The following RNF130 variants were observed in gnomAD, a reference collection of about 807,000 sequenced individuals.
RNF130 encodes ring finger protein 130.
A neutral mutation model predicts 44.6 loss-of-function variants in RNF130; 21 were observed. The ratio of observed to expected loss-of-function variants is 0.47; its 90% CI spans 0.33 to 0.68. RNF130 has a LOEUF of 0.68. Ranked by LOEUF, RNF130 falls within the 30% of genes least tolerant of loss-of-function variation. The pLI is 0.02. For synonymous variants in RNF130, 214 were observed against 210.4 expected (o/e 1.02, Z -0.15); for missense variants, 479 against 560.6 (o/e 0.85, Z 1.47).
At chr5:179,939,635 G>A (rs112960734) in intron 7 of RNF130, 3 of 460,896 alleles carry the variant, frequency 6.5e-6, no homozygotes, top group South Asian at 1.7e-5. Flanking sequence ...CACAAATGAC[G>A]TGGAAGAGAA....
chr5:180,013,890 C>A (rs532595849), intron 2 of RNF130, among the ~76,000 whole-genome samples: 1 of 152,310 alleles, frequency 6.6e-6, no homozygotes, highest in East Asian at 1.9e-4. Context: ...ACAGGGGACA[C>A]ACAGCTGGTA....
At chr5:179,935,085 C>A (rs1350062762) in intron 7 of RNF130, among the ~76,000 whole-genome samples, 2 of 152,148 alleles carry the variant, frequency 1.3e-5, no homozygotes, top group Non-Finnish European at 2.9e-5. Context: ...ATAATTTCCA[C>A]TGCGATTTCT....
chr5:180,070,939 A>C (rs1056258048), intron 1 of RNF130, among the ~76,000 whole-genome samples: 3 of 151,988 alleles, frequency 2.0e-5, no homozygotes, highest in Non-Finnish European at 4.4e-5. Flanking sequence ...GGGCAAGAAC[A>C]AGAGCCAAAA....
intron 3 of RNF130, among the ~76,000 whole-genome samples, chr5:180,011,634 G>C (rs928486048): frequency 2.0e-5 from 3 of 152,118 alleles, no homozygotes; most frequent in African/African-American, 7.2e-5. Flanking sequence ...AGTCATGGTG[G>C]TGCATACCTT....
chr5:180,053,463 A>T (rs968310334), intron 1 of RNF130, among the ~76,000 whole-genome samples: 1 of 152,206 alleles, frequency 6.6e-6, no homozygotes, highest in Admixed American at 6.5e-5. Context: ...AGAACACACA[A>T]GACAAATTAA....
At chr5:179,973,313 C>A (rs146260242) in intron 5 of RNF130, among the ~76,000 whole-genome samples, 1 of 152,178 alleles carries the variant, frequency 6.6e-6, no homozygotes, top group Non-Finnish European at 1.5e-5. Context: ...CAGGCAGCTG[C>A]CCTGAACACG....
At chr5:179,940,263 C>T (rs1192238046) in intron 7 of RNF130, 2 of 151,428 alleles carry the variant, frequency 1.3e-5, no homozygotes, top group African/African-American at 4.9e-5. Context: ...GAGTCTCGCT[C>T]TGTCACCCAG....
Position 180,065,052 on chromosome 5 carries a change from C to T in RNF130, c.247+6404G>A, listed in dbSNP as rs545793746. ...TAGAGAAAAAACACGCCTTTTTCAA[C>T]ATTTTCCTAGTATCCTCCAGTTCCT... On this transcript the variant is annotated intron_variant, in intron 1 of 8. Transcript: ENST00000521389. Among the ~76,000 whole-genome samples, 5 of 152,138 alleles carry T rather than the reference C, an allele frequency of 3.3e-5. No homozygotes were observed. The East Asian group carries it at 7.7e-4, about 24-fold the overall frequency.
At chr5:180,053,827 T>A (rs1407155172) in intron 1 of RNF130, among the ~76,000 whole-genome samples, 47 of 27,634 alleles carry the variant, frequency 1.7e-3, no homozygotes, top group Non-Finnish European at 2.6e-3. Context: ...AATACATTCT[T>A]TTTTTTTTTT....
chr5:179,947,708 TG>T (rs1159070335), intron 7 of RNF130, among the ~76,000 whole-genome samples: 1 of 152,248 alleles, frequency 6.6e-6, no homozygotes, highest in Non-Finnish European at 1.5e-5. Flanking sequence ...AGTTAAGCAC[TG>T]TATGTGTTAG....
At chr5:179,991,964 G>A (rs1113961) in intron 3 of RNF130, among the ~76,000 whole-genome samples, 2,400 of 152,064 alleles carry the variant, frequency 0.016, 66 homozygotes, top group African/African-American at 0.053. Flanking sequence ...ACACTCCTAT[G>A]AGAACCTAAT....
chr5:179,957,894 TTG>T (rs1491362123), intron 8 of RNF130, among the ~76,000 whole-genome samples: 2 of 151,968 alleles, frequency 1.3e-5, no homozygotes, highest in Non-Finnish European at 2.9e-5. Flanking sequence ...TTTTTTTTTT[TTG>T]AGACGGAGTC....
At chr5:179,946,679 G>A (rs573532480) in intron 7 of RNF130, among the ~76,000 whole-genome samples, 45 of 150,280 alleles carry the variant, frequency 3.0e-4, no homozygotes, top group South Asian at 2.1e-4. Flanking sequence ...TCAGCCTCCC[G>A]AGTAGCTGGG....
At chr5:179,918,112 C>A (rs1761579243) in exon 8 of RNF130, 1 of 152,344 alleles carries the variant, frequency 6.6e-6, no homozygotes, top group East Asian at 1.9e-4. Context: ...CAAAGACAGG[C>A]CATTCTGTAG....
At chr5:179,941,217 T>C (rs1761965779) in intron 7 of RNF130, among the ~76,000 whole-genome samples, 1 of 152,194 alleles carries the variant, frequency 6.6e-6, no homozygotes, top group Non-Finnish European at 1.5e-5. Flanking sequence ...GTTTGGTTGG[T>C]TTTTAATGGA....
At chr5:180,066,197 A>G (rs1341755888) in intron 1 of RNF130, among the ~76,000 whole-genome samples, 4 of 152,192 alleles carry the variant, frequency 2.6e-5, no homozygotes, top group African/African-American at 9.6e-5. Context: ...GGAATCATGG[A>G]GGCGGTTTCC....
chr5:179,997,378 C>T (rs1295659859), intron 3 of RNF130, among the ~76,000 whole-genome samples: 1 of 152,170 alleles, frequency 6.6e-6, no homozygotes, highest in Non-Finnish European at 1.5e-5. Context: ...GGCTGGAGCG[C>T]ACTGGCGCAA....
Position 179,966,954 on chromosome 5 carries a change from G to C in RNF130, c.1002C>G (p.Thr334=). The change falls in exon 7 of 9, where the codon ACC becomes ACG. Residue 334 remains threonine (T), a synonymous_variant. Transcript: ENST00000521389. ...GGGCTGATCTTCGGTTAACAGCTTGGGTTCTGGTGAGCCTTTCCATATCGA... is the reference window on the plus strand; with the variant it reads ...GGGCTGATCTTCGGTTAACAGCTTGCGTTCTGGTGAGCCTTTCCATATCGA... ...VAFDMERLTR[T]QAVNRRSALG... is the part of the protein sequence containing the mutation. 8 of 1,614,230 alleles carry C rather than the reference G, an allele frequency of 5.0e-6. No individual in the cohort carries two copies. The South Asian group carries it at 7.7e-5, about 16-fold the overall frequency.
chr5:179,996,390 G>A (rs1763197085), intron 3 of RNF130, among the ~76,000 whole-genome samples: 3 of 152,180 alleles, frequency 2.0e-5, no homozygotes, highest in Admixed American at 2.0e-4. Flanking sequence ...GGCATCCTGT[G>A]TTTTTCCACA....
Sources: gnomAD v4.1 joint callset for allele counts (sites outside exome capture counted in the v4.1 genomes callset) on GRCh38, gnomAD v4.1.1 for gene constraint, MANE v1.5 for transcripts, NCBI Gene and HGNC (gene_info 2026-07-23, HGNC 2026-07-21) for gene names.